The following AK5 variants were observed in gnomAD, a reference collection of about 807,000 sequenced individuals.
The protein encoded by AK5 is adenylate kinase isoenzyme 5.
A neutral mutation model predicts 69.5 loss-of-function variants in AK5; 27 were observed. The observed-to-expected ratio is 0.39, with a 90% confidence interval of 0.29 to 0.54. AK5 has a LOEUF of 0.54. Among genes scored for constraint, AK5 ranks in the 20% least tolerant of loss-of-function variants. The pLI, the probability that AK5 is intolerant of heterozygous loss-of-function variation, is 0.71. For missense variants in AK5, 531 were observed against 700.4 expected (o/e 0.76, Z 2.73); for synonymous variants, 260 against 244.4 (o/e 1.06, Z -0.60).
At chr1:77,516,023 T>C (rs1380240836) in intron 10 of AK5, among the ~76,000 whole-genome samples, 1 of 152,118 alleles carries the variant, frequency 6.6e-6, no homozygotes, top group Non-Finnish European at 1.5e-5. Context: ...TGAACTGTGA[T>C]TGTGCCACTG....
At chr1:77,544,536 CTT>C (rs568631524) in intron 13 of AK5, among the ~76,000 whole-genome samples, 2 of 144,742 alleles carry the variant, frequency 1.4e-5, no homozygotes, top group East Asian at 2.0e-4. Flanking sequence ...TAAAAAAAGT[CTT>C]TTTTTTTTTA....
At chr1:77,394,214 C>CAA (rs199934840) in intron 6 of AK5, among the ~76,000 whole-genome samples, 15 of 124,628 alleles carry the variant, frequency 1.2e-4, no homozygotes, top group South Asian at 5.2e-4. Context: ...GACTCCATCT[C>CAA]AAAAAAAAAA....
chr1:77,434,673 C>A (rs542598151), intron 8 of AK5, among the ~76,000 whole-genome samples: 1 of 152,054 alleles, frequency 6.6e-6, no homozygotes, highest in Non-Finnish European at 1.5e-5. Context: ...ATGTGAAGCA[C>A]AGGAACTTAC....
At chr1:77,349,562 T>C (rs563388284) in intron 6 of AK5, 1 of 152,214 alleles carries the variant, frequency 6.6e-6, no homozygotes, top group Non-Finnish European at 1.5e-5. Flanking sequence ...GGCATCTCTA[T>C]GCAGCTGTAA....
intron 6 of AK5, among the ~76,000 whole-genome samples, chr1:77,355,376 T>A (rs1174057695): frequency 6.6e-6 from 1 of 152,234 alleles, no homozygotes; most frequent in South Asian, 2.1e-4. Context: ...ACTGCTCCAC[T>A]TCATATTCTG....
At chr1:77,411,681 A>G (rs950142772) in intron 7 of AK5, among the ~76,000 whole-genome samples, 6 of 152,156 alleles carry the variant, frequency 3.9e-5, no homozygotes, top group Admixed American at 6.5e-5. Flanking sequence ...CATCAATTCT[A>G]TGTGGATGAC....
intron 10 of AK5, among the ~76,000 whole-genome samples, chr1:77,517,003 G>A (rs545904999): frequency 1.3e-5 from 2 of 151,728 alleles, no homozygotes; most frequent in South Asian, 4.2e-4. Flanking sequence ...CCTGGGGGGT[G>A]GAGGTTGCAG....
chr1:77,534,753 T>C (rs995162224), intron 12 of AK5, among the ~76,000 whole-genome samples: 12 of 151,968 alleles, frequency 7.9e-5, no homozygotes, highest in African/African-American at 2.9e-4. Flanking sequence ...AGTTCAGGAG[T>C]TCAAGACTGT....
chr1:77,498,488 A>G (rs1032682202), intron 10 of AK5, among the ~76,000 whole-genome samples: 2 of 152,250 alleles, frequency 1.3e-5, no homozygotes, highest in Non-Finnish European at 2.9e-5. Flanking sequence ...AAGCAACACT[A>G]CATGAGTTCG....
intron 5 of AK5, among the ~76,000 whole-genome samples, chr1:77,331,879 G>A (rs1661102468): frequency 6.6e-6 from 1 of 152,136 alleles, no homozygotes; most frequent in African/African-American, 2.4e-5. Context: ...ATAAATATAG[G>A]ACTATTTAGA....
intron 10 of AK5, among the ~76,000 whole-genome samples, chr1:77,504,207 T>A (rs1656894790): frequency 1.3e-5 from 2 of 152,198 alleles, no homozygotes. Context: ...CTTTTATTAT[T>A]TCCCCCTAAG....
At chr1:77,282,561 A>G (rs2100631395) in intron 1 of AK5, 188 bp downstream of exon 1, 1 of 1,370,932 alleles carries the variant, frequency 7.3e-7, no homozygotes. Context: ...TCCTTGTCAG[A>G]AGGCTGGGCT....
chr1:77,417,763 A>C, intron 8 of AK5, 48 bp downstream of exon 8: 3 of 1,164,006 alleles, frequency 2.6e-6, no homozygotes, highest in Non-Finnish European at 3.8e-6. Flanking sequence ...TTTTAAGTTG[A>C]ACCTTTGTAA....
At chr1:77,305,519 G>T (rs1419285234) in intron 5 of AK5, among the ~76,000 whole-genome samples, 1 of 152,144 alleles carries the variant, frequency 6.6e-6, no homozygotes. Context: ...TGTATATGGT[G>T]AGAGATAAGG....
intron 6 of AK5, among the ~76,000 whole-genome samples, chr1:77,365,487 C>T (rs760813633): frequency 3.9e-5 from 6 of 152,088 alleles, no homozygotes; most frequent in Non-Finnish European, 7.4e-5. Context: ...GTCAGCAGTC[C>T]CCAACCTCTT....
intron 8 of AK5, among the ~76,000 whole-genome samples, chr1:77,475,465 T>TATA (rs1553154989): frequency 7.8e-5 from 1 of 12,836 alleles, no homozygotes; most frequent in Non-Finnish European, 1.5e-4. Context: ...CAAATATATA[T>TATA]TATATATGTA....
intron 10 of AK5, among the ~76,000 whole-genome samples, chr1:77,501,275 A>G (rs907937236): frequency 1.3e-5 from 2 of 152,276 alleles, no homozygotes; most frequent in Non-Finnish European, 2.9e-5. Flanking sequence ...AGACCAGTCC[A>G]GAGCTGGTGA....
intron 6 of AK5, among the ~76,000 whole-genome samples, chr1:77,373,372 T>C (rs1409745445): frequency 6.6e-6 from 1 of 152,182 alleles, no homozygotes; most frequent in East Asian, 1.9e-4. Context: ...CCCCAATTGC[T>C]TACATATATT....
chr1:77,368,452 A>G (rs1015173570), intron 6 of AK5, among the ~76,000 whole-genome samples: 20 of 150,498 alleles, frequency 1.3e-4, no homozygotes, highest in African/African-American at 4.2e-4. Context: ...AGGTTTGTGT[A>G]CATTGAGCCA....
Sources: allele counts gnomAD v4.1 joint callset (sites outside exome capture counted in the v4.1 genomes callset), GRCh38; gene constraint gnomAD v4.1.1; transcripts MANE v1.5; gene names NCBI Gene and HGNC (gene_info 2026-07-23, HGNC 2026-07-21).